ITGA7: variants seen among roughly 807,000 people sequenced by gnomAD.
ITGA7 encodes integrin alpha-7.
A neutral mutation model predicts 131.6 loss-of-function variants in ITGA7; 84 were observed. The observed-to-expected ratio is 0.64, with a 90% CI of 0.54 to 0.77. The LOEUF is 0.77. ITGA7 is among the 30% of genes least tolerant of loss of function. The probability of loss-of-function intolerance (pLI) is 0.00; values close to 1 mark genes in which losing one functional copy is unlikely to be tolerated. For synonymous variants in ITGA7, 548 were observed against 600.7 expected (o/e 0.91, Z 1.28); for missense variants, 1,399 against 1,482.9 (o/e 0.94, Z 0.93).
At chr12:55,686,460 C>T (rs1412572332) in intron 24 of ITGA7, 2 of 396,812 alleles carry the variant, frequency 5.0e-6, no homozygotes, top group African/African-American at 4.2e-5. Context: ...GCATCAATCT[C>T]CCCTAAGACT....
chr12:55,694,962 T>A lies in ITGA7; in HGVS notation c.2012A>T (p.Asp671Val). The A allele has an allele frequency of 1.9e-6, 3 of 1,613,310 alleles. No homozygotes were observed. Among genetic ancestry groups the A allele is most frequent in the Non-Finnish European group, 2.5e-6 (3 of 1,179,952 alleles). The change falls in exon 15 of 25, where the codon GAT becomes GTT. Residue 671 changes from aspartate to valine, a missense_variant. Coordinates refer to ENST00000257879, the MANE Select transcript of ITGA7 (RefSeq NM_002206.3). This position sits in a 1 kb window ranked among gnomAD's most constrained non-coding sequence, Gnocchi z 5.3. ...CAGTGCAAACAGGGCTGTTGTTCCA[T>A]CCACATCCCTGGAGAGTCAGACCCC... ...TEFQPLPMDV[D>V]GTTALFALSG...
chr12:55,697,075 C>T lies in ITGA7; in HGVS notation c.1568-7G>A. ...TCTAACACATAGTCCAGGGCTGTGG[C>T]ATGTTGGGAAAGGAGGAGCTGCTGA... On this transcript the variant is annotated splice_polypyrimidine_tract_variant and splice_region_variant and intron_variant, in intron 11 of 24. Coordinates refer to ENST00000257879, the MANE Select transcript of ITGA7 (RefSeq NM_002206.3). The T allele has an allele frequency of 6.2e-7, 1 of 1,613,068 alleles. No individual in the cohort carries two copies. Among genetic ancestry groups the T allele is most frequent in the Non-Finnish European group, 8.5e-7 (1 of 1,179,488 alleles).
intron 21 of ITGA7, among the ~76,000 whole-genome samples, chr12:55,691,737 C>G (rs141507083): frequency 2.4e-4 from 36 of 152,280 alleles, no homozygotes; most frequent in African/African-American, 8.2e-4. Flanking sequence ...GAGCAACAGC[C>G]ACGACATGGG....
At chr12:55,704,456 A>G (rs1184160610) in intron 1 of ITGA7, among the ~76,000 whole-genome samples, 2 of 152,224 alleles carry the variant, frequency 1.3e-5, no homozygotes, top group Admixed American at 6.5e-5. Flanking sequence ...TTGAGAGTCT[A>G]TTGTATGCCA....
chr12:55,710,862 A>G (rs1221497085), upstream of ITGA7, among the ~76,000 whole-genome samples: 1 of 152,052 alleles, frequency 6.6e-6, no homozygotes, highest in East Asian at 1.9e-4. Context: ...GCCAGGGGAC[A>G]AGGATGGAGG....
At chr12:55,707,979 G>A, upstream of ITGA7, 3 of 1,289,952 alleles carry the variant, frequency 2.3e-6, no homozygotes, top group Non-Finnish European at 3.0e-6. Flanking sequence ...CCCGCGGCAG[G>A]TGGAGACCCA....
Position 55,694,518 on chromosome 12 carries a change from G to A in ITGA7, c.2282C>T (p.Thr761Ile), listed in dbSNP as rs550342721. The stretch of plus-strand genomic sequence containing the variant: ...GGAGGTGCTAAGGATGAGGTAGAAG[G>A]TGACCTAGGCCAAGGGTGGAAAGAG... ...GNPMKRGAQVTFYLILSTSGI... is the reference protein window; with the variant it reads ...GNPMKRGAQVIFYLILSTSGI... Residue 761 changes from threonine to isoleucine, a missense_variant, in exon 17 of 25, where the codon ACC (threonine) becomes ATC (isoleucine). Physicochemically the swap from Thr to Ile is moderately conservative, Grantham distance 89. Transcript: ENST00000257879. This position sits in a 1 kb window ranked among gnomAD's most constrained non-coding sequence, Gnocchi z 5.3. 35 of 1,614,216 alleles carry A rather than the reference G, an allele frequency of 2.2e-5. No individual in the cohort carries two copies. Among genetic ancestry groups the A allele is most frequent in the Non-Finnish European group, 2.9e-5 (34 of 1,180,030 alleles).
rs1871720623 is a variant in ITGA7 at position 55,692,760 on chromosome 12, G to A, written c.2844+84C>T. On this transcript the variant is annotated intron_variant, in intron 21 of 24. Coordinates refer to ENST00000257879, the MANE Select transcript of ITGA7 (RefSeq NM_002206.3). ...GGAACATCTGGTCAACTTGCACCCA[G>A]ACCATCATGTGTCTCAACAGGTACC... 23 of 1,505,906 alleles carry A rather than the reference G, an allele frequency of 1.5e-5. No homozygotes were observed. In the South Asian group the frequency reaches 2.4e-4, roughly 16 times the overall value. 93.3% of individuals were successfully genotyped at this position (1,505,906 alleles called of 1,614,324 possible). A position where few individuals can be genotyped will look rare whatever the true frequency, so the allele number is the denominator to read the frequency against.
At chr12:55,706,088 G>A (rs146679547) in intron 1 of ITGA7, among the ~76,000 whole-genome samples, 124 of 152,366 alleles carry the variant, frequency 8.1e-4, no homozygotes, top group African/African-American at 2.5e-3. Flanking sequence ...CTTCAGAGAG[G>A]AGGGGGAAAT....
At chr12:55,714,856 A>C (rs1011416256), upstream of ITGA7, among the ~76,000 whole-genome samples, 1 of 144,732 alleles carries the variant, frequency 6.9e-6, no homozygotes, top group Non-Finnish European at 1.5e-5. Context: ...GTCTGGAATC[A>C]AGGCTTTTTT....
chr12:55,696,432 C>G lies in ITGA7; in HGVS notation c.1738G>C (p.Glu580Gln), dbSNP rs1338513420. The change falls in exon 13 of 25, where the codon GAA becomes CAA. Residue 580 changes from glutamate (E) to glutamine (Q), a missense_variant and splice_region_variant. Transcript: ENST00000257879. Reference sequence around the variant, plus strand: ...GCCCGAAGCTTGTCTTTGACATTTTCCTAGGAAGAGGAAGGTCTATTCCTC... The same window carrying G: ...GCCCGAAGCTTGTCTTTGACATTTTGCTAGGAAGAGGAAGGTCTATTCCTC... ...VCGDAMFQLQ[E>Q]NVKDKLRAIV... The G allele has an allele frequency of 1.3e-6, 2 of 1,596,840 alleles. No individual in the cohort carries two copies. The highest frequency in any genetic ancestry group is 1.7e-6 in the Non-Finnish European group (2 of 1,170,090).
At position 55,697,270 on chromosome 12, in the gene ITGA7, G is replaced by A. The variant is rs1232293646; in HGVS notation, c.1513C>T (p.Leu505=). 1 of 1,594,722 alleles carries A rather than the reference G, an allele frequency of 6.3e-7. No individual in the cohort carries two copies. Among genetic ancestry groups the A allele is most frequent in the South Asian group, 1.1e-5 (1 of 88,200 alleles). ...GCAATGTAGCTGAAACAGACCCTTA[G>A]GTCCACACTGCGGGGGCAAAGGTGG... The part of the protein sequence containing the change: ...CAGGHSVCVD[L]RVCFSYIAVP... Residue 505 remains leucine, a synonymous_variant, in exon 11 of 25, where the codon CTA becomes TTA. Coordinates refer to ENST00000257879, the MANE Select transcript of ITGA7 (RefSeq NM_002206.3).
At chr12:55,699,263 A>G (rs540600624) in intron 5 of ITGA7, among the ~76,000 whole-genome samples, 112 of 152,244 alleles carry the variant, frequency 7.4e-4, no homozygotes, top group Middle Eastern at 3.4e-3. Context: ...TAGGAGGCTG[A>G]GCACAGTGGC....
Position 55,696,450 on chromosome 12 carries a change from T to C in ITGA7, c.1738-18A>G. On this transcript the variant is annotated intron_variant, in intron 12 of 24. Coordinates refer to ENST00000257879, the MANE Select transcript of ITGA7 (RefSeq NM_002206.3). ...ACATTTTCCTAGGAAGAGGAAGGTC[T>C]ATTCCTCACTGGAACAATCCCCAGG... 6.3e-7 allele frequency: 1 copy of C among 1,588,064 alleles called. No individual in the cohort carries two copies. Among genetic ancestry groups the C allele is most frequent in the Non-Finnish European group, 8.6e-7 (1 of 1,164,946 alleles).
At chr12:55,696,802 G>T in intron 12 of ITGA7, 97 bp downstream of exon 12, 1 of 1,390,078 alleles carries the variant, frequency 7.2e-7, no homozygotes, top group Non-Finnish European at 1.0e-6. Flanking sequence ...CTTAGAAGGA[G>T]GCACGAGTGT....
At position 55,685,163 on chromosome 12, in the gene ITGA7, G is replaced by A. The variant is rs768823556; in HGVS notation, c.3309C>T (p.Asn1103=). The stretch of plus-strand genomic sequence containing the variant: ...GGCCCTCCCGCCGGGGGCTGCCCCA[G>A]TTGTTCCTCAGGATGGTGCCCGTCT... ...EEKTGTILRN[N]WGSPRREGPD... The change falls in exon 25 of 25, where the codon AAC becomes AAT. Residue 1103 remains asparagine, a synonymous_variant. Transcript: ENST00000257879. 6 of 1,614,126 alleles carry A rather than the reference G, an allele frequency of 3.7e-6. No homozygotes were observed. Among genetic ancestry groups the A allele is most frequent in the Non-Finnish European group, 5.1e-6 (6 of 1,180,034 alleles).
At position 55,696,934 on chromosome 12, in the gene ITGA7, C is replaced by A; in HGVS notation, c.1702G>T (p.Asp568Tyr). 1 of 1,614,186 alleles carries A rather than the reference C, an allele frequency of 6.2e-7. No homozygotes were observed. The highest frequency in any genetic ancestry group is 1.1e-5 in the South Asian group (1 of 91,058). ...AACATGGCGTCTCCACAGACTCGGT[C>A]ATGCTGGTGCTTCAGCCACACGGTG... ...SGTVWLKHQH[D>Y]RVCGDAMFQL... Residue 568 changes from aspartate (D) to tyrosine (Y), a missense_variant, in exon 12 of 25, where the codon GAC becomes TAC. Asp to Tyr is a radical substitution (Grantham distance 160). Coordinates refer to ENST00000257879, the MANE Select transcript of ITGA7 (RefSeq NM_002206.3).
chr12:55,710,552 G>A (rs934624838), upstream of ITGA7, among the ~76,000 whole-genome samples: 1 of 152,156 alleles, frequency 6.6e-6, no homozygotes, highest in African/African-American at 2.4e-5. Flanking sequence ...CAAGGCAGGA[G>A]GATCACTTGA....
At chr12:55,693,381 T>G in intron 19 of ITGA7, 64 bp from the exon 20 acceptor site, 1 of 1,401,550 alleles carries the variant, frequency 7.1e-7, no homozygotes, top group Non-Finnish European at 9.9e-7. Flanking sequence ...TTTTTTAATT[T>G]TTTGTAGAGA....
Sources: allele counts gnomAD v4.1 joint callset (sites outside exome capture counted in the v4.1 genomes callset), GRCh38; gene constraint gnomAD v4.1.1; non-coding constraint Gnocchi (gnomAD v3.1); transcripts MANE v1.5; gene names NCBI Gene and HGNC (gene_info 2026-07-23, HGNC 2026-07-21).